Variants in LRMDA observed in about 807,000 individuals in gnomAD.
LRMDA encodes leucine rich melanocyte differentiation associated, also known as leucine-rich melanocyte differentiation-associated protein.
Under a neutral mutation model 29.8 loss-of-function variants are expected in LRMDA, and 18 were observed. That is an observed-to-expected ratio of 0.60 (90% confidence interval 0.42 to 0.90). The LOEUF is 0.90. Ranked by LOEUF, LRMDA falls within the 40% of genes least tolerant of loss-of-function variation. The probability of loss-of-function intolerance (pLI) is 0.00; values close to 1 mark genes in which losing one functional copy is unlikely to be tolerated. For synonymous variants in LRMDA, 125 were observed against 109.4 expected (o/e 1.14, Z -0.89); for missense variants, 273 against 273.9 (o/e 1.00, Z 0.02).
At chr10:75,837,376 C>G (rs1844458242) in intron 2 of LRMDA, among the ~76,000 whole-genome samples, 1 of 152,108 alleles carries the variant, frequency 6.6e-6, no homozygotes, top group Admixed American at 6.5e-5. Context: ...TGATCAAACA[C>G]TTTTTCAGGT....
chr10:75,976,183 C>G (rs762083779), intron 2 of LRMDA, among the ~76,000 whole-genome samples: 3 of 152,258 alleles, frequency 2.0e-5, no homozygotes, highest in Non-Finnish European at 2.9e-5. Context: ...CTGCAGAACT[C>G]TCTCTACTCT....
intron 2 of LRMDA, among the ~76,000 whole-genome samples, chr10:75,531,637 G>A (rs956110964): frequency 6.6e-6 from 1 of 152,208 alleles, no homozygotes; most frequent in Non-Finnish European, 1.5e-5. Flanking sequence ...TGGCTCTAAA[G>A]CCAGCACTCT....
intron 5 of LRMDA, among the ~76,000 whole-genome samples, chr10:76,263,678 T>A (rs2132311936): frequency 1.3e-5 from 2 of 152,264 alleles, no homozygotes; most frequent in East Asian, 3.9e-4. Context: ...ACTCATAGGC[T>A]CAAGTGGAAG....
At chr10:75,555,596 G>C (rs1355787083) in intron 2 of LRMDA, among the ~76,000 whole-genome samples, 3 of 152,194 alleles carry the variant, frequency 2.0e-5, no homozygotes, top group African/African-American at 7.2e-5. Flanking sequence ...GTGTTTTGCA[G>C]TTTGATTTCA....
rs965530184 is a variant in LRMDA at position 76,519,922 on chromosome 10, T to C, written c.602-37287T>C. Among the ~76,000 whole-genome samples, 9 of 152,292 alleles carry C rather than the reference T, an allele frequency of 5.9e-5. No homozygotes were observed. In the East Asian group the frequency reaches 1.5e-3, roughly 26 times the overall value. On this transcript the variant is annotated intron_variant, in intron 6 of 6. Transcript: ENST00000611255. ...ATAAAAAGCATACTTTTTTTAAGTT[T>C]GTAATTTGGGTTTTACTTTTTTATG...
intron 5 of LRMDA, among the ~76,000 whole-genome samples, chr10:76,289,245 C>G (rs1413543406): frequency 1.3e-5 from 2 of 152,146 alleles, no homozygotes. Context: ...AAAAAGTGGA[C>G]TTGGACTTTA....
At chr10:76,069,551 T>A (rs1848841677) in intron 5 of LRMDA, among the ~76,000 whole-genome samples, 1 of 152,222 alleles carries the variant, frequency 6.6e-6, no homozygotes, top group Non-Finnish European at 1.5e-5. Context: ...TTAGAACTCA[T>A]TATTTATTTT....
rs1035326452 is a variant in LRMDA at position 75,946,486 on chromosome 10, A to G, written c.132-89522A>G. 6.6e-5 allele frequency among the ~76,000 whole-genome samples: 10 copies of G among 152,236 alleles called. 1 individual carries two copies. The highest frequency in any genetic ancestry group is 2.4e-4 in the African/African-American group (10 of 41,468). ...CAGACAAGGAATTGGTGCACCAGCC[A>G]TAAATCCTGAGAAGAATAATGCCAG... On this transcript the variant is annotated intron_variant, in intron 2 of 6. Coordinates refer to ENST00000611255, the MANE Select transcript of LRMDA (RefSeq NM_001305581.2).
At chr10:75,498,876 C>T (rs544250005) in intron 2 of LRMDA, among the ~76,000 whole-genome samples, 5 of 152,168 alleles carry the variant, frequency 3.3e-5, no homozygotes, top group East Asian at 3.9e-4. Context: ...GAATCCTCTC[C>T]GTCTCAGAAG....
intron 2 of LRMDA, among the ~76,000 whole-genome samples, chr10:75,985,741 G>C (rs1332591528): frequency 6.6e-6 from 1 of 152,192 alleles, no homozygotes; most frequent in Non-Finnish European, 1.5e-5. Context: ...GAGGGAGGTG[G>C]GAGGAGTTTC....
At chr10:76,280,114 A>T (rs1840184153) in intron 5 of LRMDA, among the ~76,000 whole-genome samples, 1 of 152,244 alleles carries the variant, frequency 6.6e-6, no homozygotes, top group African/African-American at 2.4e-5. Flanking sequence ...CATCAGAAAT[A>T]ATCCAGGGAC....
chr10:76,221,852 T>G (rs1472819542), intron 5 of LRMDA, among the ~76,000 whole-genome samples: 1 of 152,006 alleles, frequency 6.6e-6, no homozygotes, highest in Non-Finnish European at 1.5e-5. Flanking sequence ...GGCATCACAC[T>G]ACCTGACTTC....
At position 76,539,456 on chromosome 10, in the gene LRMDA, A is replaced by T. The variant is rs185038580; in HGVS notation, c.602-17753A>T. 1.8e-3 allele frequency among the ~76,000 whole-genome samples: 274 copies of T among 152,272 alleles called. 1 individual carries two copies. Among genetic ancestry groups the T allele is most frequent in the Admixed American group, 3.6e-3 (55 of 15,294 alleles). ...GGAACAGGTTTCCCAGGGCAATAGC[A>T]CTAGGAACTGGAGCTGCAAACTTTT... On this transcript the variant is annotated intron_variant, in intron 6 of 6. Transcript: ENST00000611255.
intron 2 of LRMDA, among the ~76,000 whole-genome samples, chr10:75,678,337 A>C (rs1222538937): frequency 6.6e-6 from 1 of 152,182 alleles, no homozygotes; most frequent in African/African-American, 2.4e-5. Flanking sequence ...CCGCTTATAA[A>C]AAGATTGGTT....
intron 2 of LRMDA, among the ~76,000 whole-genome samples, chr10:75,689,011 C>A (rs1842113951): frequency 1.3e-5 from 2 of 151,662 alleles, no homozygotes; most frequent in Admixed American, 6.6e-5. Context: ...AGTAACATAA[C>A]TTTTATATGT....
At chr10:75,437,118 C>T (rs1298620576) in intron 1 of LRMDA, among the ~76,000 whole-genome samples, 4 of 152,178 alleles carry the variant, frequency 2.6e-5, no homozygotes, top group Non-Finnish European at 5.9e-5. Flanking sequence ...AGTTTGTCCT[C>T]ATTGGATAGG....
intron 5 of LRMDA, among the ~76,000 whole-genome samples, chr10:76,221,497 G>A (rs1019083463): frequency 3.0e-4 from 46 of 152,252 alleles, no homozygotes; most frequent in Non-Finnish European, 2.8e-4. Context: ...GAGCTAAATC[G>A]TGAGTGAACT....
chr10:76,366,179 C>A (rs995126155), intron 6 of LRMDA, among the ~76,000 whole-genome samples: 1 of 152,098 alleles, frequency 6.6e-6, no homozygotes, highest in South Asian at 2.1e-4. Flanking sequence ...TAGTGTGATG[C>A]CCCCAGATTT....
intron 6 of LRMDA, among the ~76,000 whole-genome samples, chr10:76,440,677 A>G (rs1314692080): frequency 4.6e-5 from 7 of 152,118 alleles, no homozygotes; most frequent in Non-Finnish European, 8.8e-5. Context: ...AGGTCAAATG[A>G]TGCCCCTTCA....
Sources: allele counts gnomAD v4.1 joint callset (sites outside exome capture counted in the v4.1 genomes callset), GRCh38; gene constraint gnomAD v4.1.1; transcripts MANE v1.5; gene names NCBI Gene and HGNC (gene_info 2026-07-23, HGNC 2026-07-21).